Variants in DGKI observed in about 807,000 individuals in gnomAD.
DGKI encodes diacylglycerol kinase iota.
A neutral mutation model predicts 147.5 loss-of-function variants in DGKI; 55 were observed. That is an observed-to-expected ratio of 0.37 (90% confidence interval 0.30 to 0.47). DGKI has a LOEUF of 0.47. Ranked by LOEUF, DGKI falls within the 20% of genes least tolerant of loss-of-function variation. The probability of loss-of-function intolerance (pLI) is 1.00; values close to 1 mark genes in which losing one functional copy is unlikely to be tolerated. For synonymous variants in DGKI, 469 were observed against 477.1 expected, an observed-to-expected ratio of 0.98 and a Z score of 0.22; for missense variants, 1,007 against 1,323.8, an observed-to-expected ratio of 0.76 and a Z score of 3.71.
chr7:137,769,770 G>A (rs534993781), intron 1 of DGKI, among the ~76,000 whole-genome samples: 48 of 152,324 alleles, frequency 3.2e-4, no homozygotes, highest in African/African-American at 1.0e-3. Flanking sequence ...AAACCACAAT[G>A]AGATACTATC....
intron 2 of DGKI, among the ~76,000 whole-genome samples, chr7:137,679,866 T>C (rs1006517456): frequency 6.6e-6 from 1 of 151,470 alleles, no homozygotes; most frequent in African/African-American, 2.4e-5. Context: ...GGTGGGCGCC[T>C]GTTAATCCCA....
intron 31 of DGKI, 191 bp from the exon 32 acceptor site, chr7:137,395,888 T>A (rs1198706212): frequency 1.8e-5 from 10 of 553,386 alleles, no homozygotes; most frequent in Non-Finnish European, 3.2e-5. Flanking sequence ...CATCAACTGA[T>A]CATAATATCT....
intron 28 of DGKI, among the ~76,000 whole-genome samples, chr7:137,436,897 A>G (rs1324247706): frequency 6.6e-6 from 1 of 152,208 alleles, no homozygotes; most frequent in Non-Finnish European, 1.5e-5. Flanking sequence ...GGGGAAAAAA[A>G]TTGTCATCTC....
intron 2 of DGKI, among the ~76,000 whole-genome samples, chr7:137,687,940 C>T (rs1823477227): frequency 6.6e-6 from 1 of 152,102 alleles, no homozygotes; most frequent in Admixed American, 6.5e-5. Flanking sequence ...GCCTTCATTC[C>T]TATTTGTTTT....
In DGKI at chr7:137,597,862, A is replaced by G; in HGVS notation, c.1296T>C (p.Cys432=). 3 of 1,613,988 alleles carry G rather than the reference A, an allele frequency of 1.9e-6. No homozygotes were observed. Among genetic ancestry groups the G allele is most frequent in the Non-Finnish European group, 2.5e-6 (3 of 1,179,908 alleles). ...AGGGACCTACCGTTCCATCCCCACCACAGGCCAGAATTCGCAGATTTGGTA... is the reference window on the plus strand; with the variant it reads ...AGGGACCTACCGTTCCATCCCCACCGCAGGCCAGAATTCGCAGATTTGGTA... ...RKVPNLRILA[C]GGDGTVGWIL... The change falls in exon 12 of 33, where the codon TGT becomes TGC. Residue 432 remains cysteine (C), a synonymous_variant. Coordinates refer to ENST00000614521, the MANE Select transcript of DGKI (RefSeq NM_001321708.2).
intron 1 of DGKI, among the ~76,000 whole-genome samples, chr7:137,711,478 G>C (rs1367045743): frequency 2.0e-5 from 3 of 152,114 alleles, no homozygotes; most frequent in African/African-American, 7.2e-5. Context: ...ACACAGTGGT[G>C]ACTAAAAGTG....
At chr7:137,693,693 A>T (rs1823686964) in intron 1 of DGKI, among the ~76,000 whole-genome samples, 1 of 152,224 alleles carries the variant, frequency 6.6e-6, no homozygotes, top group South Asian at 2.1e-4. Flanking sequence ...TTAATGAATG[A>T]ACTTGACCAA....
chr7:137,533,518 C>A (rs1817413095), intron 20 of DGKI, among the ~76,000 whole-genome samples: 1 of 152,020 alleles, frequency 6.6e-6, no homozygotes. Context: ...TAAATCAAGT[C>A]TCTATTAAAG....
chr7:137,795,717 T>C (rs1245581800), intron 1 of DGKI, among the ~76,000 whole-genome samples: 1 of 152,196 alleles, frequency 6.6e-6, no homozygotes. Flanking sequence ...AATCTCTCAC[T>C]TTTGGCTGAC....
chr7:137,823,319 A>G (rs533475955), intron 1 of DGKI, among the ~76,000 whole-genome samples: 11 of 152,238 alleles, frequency 7.2e-5, no homozygotes, highest in Non-Finnish European at 1.6e-4. Context: ...ATATGCCTTC[A>G]CATTTCTGAG....
At chr7:137,706,002 C>T (rs1270080243) in intron 1 of DGKI, among the ~76,000 whole-genome samples, 1 of 152,014 alleles carries the variant, frequency 6.6e-6, no homozygotes. Context: ...TGCATTCCTA[C>T]TAGGCACCAA....
chr7:137,723,344 G>T (rs76107972), intron 1 of DGKI, among the ~76,000 whole-genome samples: 4 of 152,154 alleles, frequency 2.6e-5, no homozygotes, highest in African/African-American at 9.7e-5. Flanking sequence ...TGCTCCAGGC[G>T]CCATGCTAGA....
chr7:137,815,665 G>T (rs1563210556), intron 1 of DGKI, among the ~76,000 whole-genome samples: 1 of 152,200 alleles, frequency 6.6e-6, no homozygotes, highest in Non-Finnish European at 1.5e-5. Flanking sequence ...GCCTGTGGAA[G>T]TTTACGGGCT....
rs115134664 is a variant in DGKI at position 137,387,313 on chromosome 7, A to G, written c.*3907T>C. ...CAATTACAGGAACTCTTGGTCATGA[A>G]TTTTATGACACAGGTAATAGAAAAT... On this transcript the variant is annotated 3_prime_UTR_variant, in exon 33 of 33. Coordinates refer to ENST00000614521, the MANE Select transcript of DGKI (RefSeq NM_001321708.2). 423 of 152,300 alleles carry G rather than the reference A, an allele frequency of 2.8e-3. 1 individual carries two copies. The highest frequency in any genetic ancestry group is 8.3e-3 in the African/African-American group (343 of 41,568). The allele number at this position is 152,300 out of a possible 1,614,324, so 9.4% of individuals were successfully genotyped here.
At chr7:137,481,756 G>A (rs948487373) in intron 23 of DGKI, among the ~76,000 whole-genome samples, 9 of 152,040 alleles carry the variant, frequency 5.9e-5, no homozygotes, top group African/African-American at 1.7e-4. Flanking sequence ...TCTTGGGCAC[G>A]TGTACACCTT....
chr7:137,657,020 C>G (rs1278078614), intron 3 of DGKI, among the ~76,000 whole-genome samples: 3 of 152,144 alleles, frequency 2.0e-5, no homozygotes, highest in Non-Finnish European at 4.4e-5. Flanking sequence ...TTTCCAGGGG[C>G]CAGTCATTTT....
chr7:137,587,139 C>A lies in DGKI; in HGVS notation c.1383G>T (p.Leu461=). 1 of 1,612,716 alleles carries A rather than the reference C, an allele frequency of 6.2e-7. No individual in the cohort carries two copies. The highest frequency in any genetic ancestry group is 8.5e-7 in the Non-Finnish European group (1 of 1,179,518). The change falls in exon 13 of 33, where the codon CTG becomes CTT. Residue 461 remains leucine (L), a synonymous_variant. Transcript: ENST00000614521. ...SPQPPVGVLP[L]GTGNDLARTL... ...TTCGAGCCAGGTCATTCCCAGTCCCCAGAGGAAGGACCCCCACAGGAGGCT... is the reference window on the plus strand; with the variant it reads ...TTCGAGCCAGGTCATTCCCAGTCCCAAGAGGAAGGACCCCCACAGGAGGCT...
intron 1 of DGKI, among the ~76,000 whole-genome samples, chr7:137,741,786 T>C (rs1472924647): frequency 6.6e-6 from 1 of 152,152 alleles, no homozygotes; most frequent in Non-Finnish European, 1.5e-5. Context: ...ATTTCATGAA[T>C]GTGCAACAGT....
chr7:137,718,866 G>T (rs779831901), intron 1 of DGKI, among the ~76,000 whole-genome samples: 1 of 152,144 alleles, frequency 6.6e-6, no homozygotes, highest in Non-Finnish European at 1.5e-5. Flanking sequence ...CCTGTTGGGG[G>T]ACTTGTGGCC....
Sources: gnomAD v4.1 joint callset for allele counts (sites outside exome capture counted in the v4.1 genomes callset) on GRCh38, gnomAD v4.1.1 for gene constraint, MANE v1.5 for transcripts, NCBI Gene and HGNC (gene_info 2026-07-23, HGNC 2026-07-21) for gene names.